CASK: variants seen among roughly 807,000 people sequenced by gnomAD.
CASK encodes calcium/calmodulin dependent serine protein kinase.
A neutral mutation model predicts 82.9 loss-of-function variants in CASK; 4 were observed. The ratio of observed to expected loss-of-function variants is 0.05; its 90% CI spans 0.02 to 0.11. CASK has a LOEUF of 0.11. CASK is among the 10% of genes least tolerant of loss of function. The pLI, the probability that CASK is intolerant of heterozygous loss-of-function variation, is 1.00. For synonymous variants in CASK, 259 were observed against 253.5 expected (o/e 1.02, Z -0.20); for missense variants, 358 against 720.9 (o/e 0.50, Z 5.76).
intron 1 of CASK, among the ~76,000 whole-genome samples, chrX:41,920,501 T>G (rs980537283): frequency 4.5e-5 from 5 of 112,125 alleles, no homozygotes; most frequent in African/African-American, 1.6e-4. Flanking sequence ...CATTTTATAA[T>G]TGGCACTGAC....
chrX:41,784,491 T>C (rs184356252), intron 3 of CASK, among the ~76,000 whole-genome samples: 8 of 111,906 alleles, frequency 7.1e-5, no homozygotes, highest in Admixed American at 2.9e-4. Context: ...CTGAGTGATT[T>C]GACAATAAGG....
Position 41,807,548 on chromosome X carries a change from T to C in CASK, c.173-20265A>G, listed in dbSNP as rs141231822. On this transcript the variant is annotated intron_variant, in intron 2 of 26. Coordinates refer to ENST00000378163, the MANE Select transcript of CASK (RefSeq NM_001367721.1). ...TCACCCACTTCAAAGCAGCATACTA[T>C]GGTATCATAGTCTGTTTTCTGCTGT... is the stretch of plus-strand genomic sequence containing the variant. Among the ~76,000 whole-genome samples, 143 of 111,591 alleles carry C rather than the reference T, an allele frequency of 1.3e-3. No individual in the cohort carries two copies. The Middle Eastern group carries it at 0.014, about 11-fold the overall frequency.
chrX:41,626,719 G>GA lies in CASK; in HGVS notation c.916-17dup. ...GTACTGCACCCTAAAACAAAGAGAT[G>GA]AAAAAATAGATTATTAAAACAAATA... is the stretch of plus-strand genomic sequence containing the variant. On this transcript the variant is annotated splice_polypyrimidine_tract_variant and intron_variant, in intron 9 of 26. Transcript: ENST00000378163. 1.0e-6 allele frequency: 1 copy of GA among 986,671 alleles called. No homozygotes were observed. The highest frequency in any genetic ancestry group is 1.4e-6 in the Non-Finnish European group (1 of 691,526). The allele number at this position is 986,671 out of a possible 1,213,427, so 81.3% of individuals were successfully genotyped here.
chrX:41,902,505 G>A (rs1181716979), intron 1 of CASK, among the ~76,000 whole-genome samples: 1 of 111,237 alleles, frequency 9.0e-6, no homozygotes. Flanking sequence ...GATTAAACTG[G>A]GTCCATCCAA....
chrX:41,920,861 C>T (rs1239074600), intron 1 of CASK, among the ~76,000 whole-genome samples: 2 of 112,148 alleles, frequency 1.8e-5, no homozygotes, highest in Non-Finnish European at 3.8e-5. Flanking sequence ...TTTAATCTCA[C>T]ATTTTCCAAT....
intron 11 of CASK, among the ~76,000 whole-genome samples, chrX:41,622,149 G>A (rs1332901702): frequency 1.8e-5 from 2 of 112,081 alleles, no homozygotes; most frequent in Non-Finnish European, 3.8e-5. Context: ...GGTAAAAGTT[G>A]TTAAGAGATA....
intron 21 of CASK, among the ~76,000 whole-genome samples, chrX:41,547,626 ATTT>A (rs775586195): frequency 1.0e-5 from 1 of 99,713 alleles, no homozygotes; most frequent in Non-Finnish European, 2.1e-5. Context: ...TCGTATATTG[ATTT>A]TTTTTTTTTT....
At chrX:41,644,743 C>T (rs1025106220) in intron 8 of CASK, among the ~76,000 whole-genome samples, 1 of 111,650 alleles carries the variant, frequency 9.0e-6, no homozygotes, top group Non-Finnish European at 1.9e-5. Context: ...AAAGAGAATG[C>T]GCACCTAGGA....
intron 8 of CASK, among the ~76,000 whole-genome samples, chrX:41,645,452 C>A (rs2066741240): frequency 9.0e-6 from 1 of 111,036 alleles, no homozygotes; most frequent in Admixed American, 9.7e-5. Flanking sequence ...AGGAGATCAT[C>A]AATCCCCTGT....
At chrX:41,919,569 A>G (rs2072750233) in intron 1 of CASK, among the ~76,000 whole-genome samples, 2 of 112,627 alleles carry the variant, frequency 1.8e-5, no homozygotes, top group Non-Finnish European at 3.8e-5. Flanking sequence ...TGATCATGAC[A>G]TAAAAATTAG....
At chrX:41,692,491 A>G (rs2067589188) in intron 5 of CASK, among the ~76,000 whole-genome samples, 1 of 112,756 alleles carries the variant, frequency 8.9e-6, no homozygotes, top group African/African-American at 3.2e-5. Flanking sequence ...TTAGAAAAAA[A>G]TGATTTCCTT....
At chrX:41,606,280 T>G (rs1438963613) in intron 12 of CASK, among the ~76,000 whole-genome samples, 2 of 106,052 alleles carry the variant, frequency 1.9e-5, no homozygotes, top group African/African-American at 7.0e-5. Context: ...ATTCATTCAT[T>G]TTTGAGACGG....
chrX:41,790,187 G>A lies in CASK; in HGVS notation c.173-2904C>T, dbSNP rs766015950. Reference sequence around the variant, plus strand: ...TTTTATTTGCCACTATTTTAAGTCTGAACTTTAAACAGATTCTTGGACTGG... The same window carrying A: ...TTTTATTTGCCACTATTTTAAGTCTAAACTTTAAACAGATTCTTGGACTGG... On this transcript the variant is annotated intron_variant, in intron 2 of 26. Transcript: ENST00000378163. 2,730 of 958,479 alleles carry A rather than the reference G, an allele frequency of 2.8e-3. 10 individuals are homozygous for A. The highest frequency in any genetic ancestry group is 0.016 in the Middle Eastern group (56 of 3,405). The allele number at this position is 958,479 out of a possible 1,213,427, so 79.0% of individuals were successfully genotyped here.
chrX:41,867,356 C>T (rs773132380), intron 1 of CASK, among the ~76,000 whole-genome samples: 1 of 112,030 alleles, frequency 8.9e-6, no homozygotes, highest in South Asian at 3.7e-4. Context: ...AACATGGGTG[C>T]CATCTTCCAG....
intron 1 of CASK, among the ~76,000 whole-genome samples, chrX:41,872,836 T>G (rs770498707): frequency 4.5e-5 from 5 of 110,854 alleles, no homozygotes; most frequent in African/African-American, 1.6e-4. Context: ...TGTGACAGTT[T>G]CTCAGACTTA....
intron 1 of CASK, among the ~76,000 whole-genome samples, chrX:41,901,245 G>A: frequency 1.8e-5 from 2 of 111,622 alleles, no homozygotes; most frequent in Middle Eastern, 9.3e-3. Context: ...CACTTCAGAG[G>A]CCAAGGCGGG....
At chrX:41,572,575 G>A (rs1441561719) in intron 15 of CASK, among the ~76,000 whole-genome samples, 1 of 110,136 alleles carries the variant, frequency 9.1e-6, no homozygotes, top group East Asian at 2.8e-4. Context: ...TCATATAAGA[G>A]CCTTACAATA....
At chrX:41,740,450 A>G (rs778176974) in intron 4 of CASK, among the ~76,000 whole-genome samples, 4 of 108,031 alleles carry the variant, frequency 3.7e-5, no homozygotes, top group Non-Finnish European at 7.7e-5. Flanking sequence ...GACCTTGAAC[A>G]TGTGTATGTG....
intron 3 of CASK, among the ~76,000 whole-genome samples, chrX:41,769,487 A>C (rs766902860): frequency 9.0e-6 from 1 of 111,294 alleles, no homozygotes; most frequent in Non-Finnish European, 1.9e-5. Flanking sequence ...TCCAGCACTG[A>C]GCTGATGCCC....
Sources: gnomAD v4.1 joint callset for allele counts (sites outside exome capture counted in the v4.1 genomes callset) on GRCh38, gnomAD v4.1.1 for gene constraint, MANE v1.5 for transcripts, NCBI Gene and HGNC (gene_info 2026-07-23, HGNC 2026-07-21) for gene names.